The following ROBO2 variants were observed in gnomAD, a reference collection of about 807,000 sequenced individuals.
ROBO2 encodes the protein roundabout homolog 2.
A neutral mutation model predicts 160.8 loss-of-function variants in ROBO2; 53 were observed. That is an observed-to-expected ratio of 0.33 (90% CI 0.26 to 0.41). ROBO2 has a LOEUF of 0.41. Ranked by LOEUF, ROBO2 falls within the 10% of genes least tolerant of loss-of-function variation. The pLI is 1.00. For missense variants in ROBO2, 1,577 were observed against 1,722.4 expected (o/e 0.92, Z 1.49); for synonymous variants, 664 against 611.7 (o/e 1.09, Z -1.26).
At chr3:77,480,859 C>T (rs974628967) in intron 3 of ROBO2, among the ~76,000 whole-genome samples, 2 of 151,764 alleles carry the variant, frequency 1.3e-5, no homozygotes, top group African/African-American at 2.4e-5. Flanking sequence ...ACTCAAAATG[C>T]GATCAGGAAA....
At chr3:77,122,604 A>T (rs72891512) in intron 2 of ROBO2, among the ~76,000 whole-genome samples, 5,202 of 152,252 alleles carry the variant, frequency 0.034, 319 homozygotes, top group African/African-American at 0.12. Context: ...CTCATAGTAA[A>T]CCCATAGAGA....
rs78421858 is a variant in ROBO2 at position 75,914,128 on chromosome 3, T to G, written c.-14+7168T>G. On this transcript the variant is annotated intron_variant, in intron 1 of 26. Transcript: ENST00000487694. Reference sequence around the variant, plus strand: ...AGTTTTTCCTTCATTTTTCTTAAAATTATATTGTAAATGGATGTGACATGC... The same window carrying G: ...AGTTTTTCCTTCATTTTTCTTAAAAGTATATTGTAAATGGATGTGACATGC... 4.6e-3 allele frequency among the ~76,000 whole-genome samples: 696 copies of G among 152,340 alleles called. 39 individuals are homozygous for G. In the East Asian group the frequency reaches 0.12, roughly 26 times the overall value.
chr3:77,303,085 C>T (rs1414325864), intron 2 of ROBO2, among the ~76,000 whole-genome samples: 1 of 152,104 alleles, frequency 6.6e-6, no homozygotes, highest in Non-Finnish European at 1.5e-5. Context: ...ATTTAATGTG[C>T]TACCAAATGC....
chr3:77,323,292 T>C (rs2065010741), intron 2 of ROBO2, among the ~76,000 whole-genome samples: 1 of 151,756 alleles, frequency 6.6e-6, no homozygotes, highest in African/African-American at 2.4e-5. Context: ...CCCAAGCACA[T>C]TAACCCTCCT....
chr3:76,228,495 G>A (rs1189414677), intron 2 of ROBO2, among the ~76,000 whole-genome samples: 1 of 152,060 alleles, frequency 6.6e-6, no homozygotes, highest in Non-Finnish European at 1.5e-5. Flanking sequence ...AAAACCCATA[G>A]TATTTGAAGA....
At chr3:76,339,843 A>C (rs1273337491) in intron 2 of ROBO2, among the ~76,000 whole-genome samples, 2 of 152,144 alleles carry the variant, frequency 1.3e-5, no homozygotes, top group South Asian at 4.1e-4. Flanking sequence ...ATTTGTAGGA[A>C]ATTAAAATCT....
intron 2 of ROBO2, among the ~76,000 whole-genome samples, chr3:76,220,378 G>A (rs554070815): frequency 6.6e-6 from 1 of 152,126 alleles, no homozygotes; most frequent in Admixed American, 6.5e-5. Flanking sequence ...CAGTATGACA[G>A]TATTAAGCGG....
chr3:77,200,317 A>ATTTT lies in ROBO2; in HGVS notation c.388+101978_388+101979insTTTT, dbSNP rs1215369321. On this transcript the variant is annotated intron_variant, in intron 2 of 25. Coordinates refer to ENST00000461745, the Ensembl canonical transcript of ROBO2. Reference sequence around the variant, plus strand: ...TATATATATATATATATATATATATATATATTTTAGTTTCTATAGGTAAAG... The same window carrying ATTTT: ...TATATATATATATATATATATATATATTTTTATATTTTAGTTTCTATAGGTAAAG... Among the ~76,000 whole-genome samples the ATTTT allele has an allele frequency of 7.2e-5, 5 of 69,348 alleles. 1 individual carries two copies. The East Asian group carries it at 2.4e-3, about 33-fold the overall frequency. The allele number at this position is 69,348 out of a possible 152,430, so 45.5% of individuals were successfully genotyped here.
rs535519985 is a variant in ROBO2 at position 76,218,980 on chromosome 3, A to T, written c.109+281378A>T. On this transcript the variant is annotated intron_variant, in intron 2 of 26. Coordinates refer to the ROBO2 transcript ENST00000487694. ...CAAAACAGAGATATAGATCAATGGA[A>T]CAGAACAGAGCCCTCAGAAGTAATG... is the stretch of plus-strand genomic sequence containing the variant. Among the ~76,000 whole-genome samples, 43 of 152,326 alleles carry T rather than the reference A, an allele frequency of 2.8e-4. 2 individuals are homozygous for T. The South Asian group carries it at 8.1e-3, about 29-fold the overall frequency.
intron 2 of ROBO2, among the ~76,000 whole-genome samples, chr3:75,990,525 G>T (rs77419100): frequency 0.012 from 1,890 of 152,184 alleles, 47 homozygotes; most frequent in African/African-American, 0.043. Context: ...ATTTTGCCTA[G>T]GGTTCAATAA....
chr3:77,288,424 G>T (rs1048984044), intron 2 of ROBO2, among the ~76,000 whole-genome samples: 2 of 152,140 alleles, frequency 1.3e-5, no homozygotes, highest in Non-Finnish European at 2.9e-5. Flanking sequence ...TGTTTTTCTG[G>T]ACATGTAGCT....
At chr3:76,617,113 G>A (rs1431975932) in intron 2 of ROBO2, among the ~76,000 whole-genome samples, 1 of 151,916 alleles carries the variant, frequency 6.6e-6, no homozygotes, top group African/African-American at 2.4e-5. Flanking sequence ...ACATTGTTAG[G>A]ATGAACTAAC....
At chr3:76,191,916 C>G (rs985002070) in intron 2 of ROBO2, among the ~76,000 whole-genome samples, 9 of 152,042 alleles carry the variant, frequency 5.9e-5, no homozygotes, top group African/African-American at 1.9e-4. Context: ...TCAACTCTTT[C>G]CCTATTTTGC....
intron 2 of ROBO2, among the ~76,000 whole-genome samples, chr3:76,677,283 A>T (rs1285095202): frequency 6.6e-6 from 1 of 152,068 alleles, no homozygotes; most frequent in Admixed American, 6.6e-5. Flanking sequence ...GAATGAGGAG[A>T]AGAAAAAGGA....
rs373529677 is a variant in ROBO2 at position 77,211,025 on chromosome 3, C to T, written c.388+112685C>T. On this transcript the variant is annotated intron_variant, in intron 2 of 25. Coordinates refer to ENST00000461745, the Ensembl canonical transcript of ROBO2. ...TGGGTTGGTTCCAAGTCTTTGCTAT[C>T]GTGAATAGTGCCGCAATAAACATAT... is the stretch of plus-strand genomic sequence containing the variant. Among the ~76,000 whole-genome samples, 951 of 152,142 alleles carry T rather than the reference C, an allele frequency of 6.3e-3. 6 individuals are homozygous for T. Among genetic ancestry groups the T allele is most frequent in the Non-Finnish European group, 9.6e-3 (654 of 67,992 alleles).
chr3:76,140,358 C>T (rs142659820), intron 2 of ROBO2, among the ~76,000 whole-genome samples: 1 of 151,880 alleles, frequency 6.6e-6, no homozygotes, highest in Non-Finnish European at 1.5e-5. Flanking sequence ...ATAAATAAGG[C>T]TTAAGGATAA....
chr3:76,833,913 C>CT (rs944498075), intron 2 of ROBO2, among the ~76,000 whole-genome samples: 17 of 151,812 alleles, frequency 1.1e-4, no homozygotes, highest in African/African-American at 3.9e-4. Flanking sequence ...CATGCTCAGA[C>CT]TTTTTTTTCT....
intron 2 of ROBO2, among the ~76,000 whole-genome samples, chr3:76,829,426 T>C (rs1247591064): frequency 6.6e-6 from 1 of 152,084 alleles, no homozygotes; most frequent in Non-Finnish European, 1.5e-5. Context: ...CGTGTATACC[T>C]ATGTAATAAA....
intron 6 of ROBO2, among the ~76,000 whole-genome samples, chr3:77,539,736 A>G (rs2092367617): frequency 6.6e-6 from 1 of 152,200 alleles, no homozygotes; most frequent in African/African-American, 2.4e-5. Context: ...CCATACCAGT[A>G]AAATCTTCAA....
Sources: gnomAD v4.1 joint callset for allele counts (sites outside exome capture counted in the v4.1 genomes callset) on GRCh38, gnomAD v4.1.1 for gene constraint, MANE v1.5 for transcripts, NCBI Gene and HGNC (gene_info 2026-07-23, HGNC 2026-07-21) for gene names.